Variants in LOXHD1 observed in about 807,000 individuals in gnomAD.
LOXHD1 encodes lipoxygenase homology domain-containing protein 1.
Under a neutral mutation model 248.2 loss-of-function variants are expected in LOXHD1, and 205 were observed. The ratio of observed to expected loss-of-function variants is 0.83; its 90% CI spans 0.74 to 0.93. The LOEUF (loss-of-function observed/expected upper bound fraction) is 0.93, where lower values mean the gene tolerates loss of function less well. LOXHD1 is among the 40% of genes least tolerant of loss of function. The pLI, the probability that LOXHD1 is intolerant of heterozygous loss-of-function variation, is 0.00. For synonymous variants in LOXHD1, 1,113 were observed against 1,162.8 expected, an observed-to-expected ratio of 0.96 and a Z score of 0.87; for missense variants, 2,930 against 2,971.6, an observed-to-expected ratio of 0.99 and a Z score of 0.33.
At chr18:46,488,382 C>T (rs1351235545) in intron 38 of LOXHD1, among the ~76,000 whole-genome samples, 1 of 152,178 alleles carries the variant, frequency 6.6e-6, no homozygotes, top group Admixed American at 6.5e-5. Flanking sequence ...GCTAGTGCTG[C>T]CTTAATAACT....
intron 29 of LOXHD1, among the ~76,000 whole-genome samples, chr18:46,526,074 G>A (rs551318005): frequency 1.3e-5 from 2 of 152,292 alleles, no homozygotes; most frequent in Admixed American, 1.3e-4. Context: ...GTGGCCGAAA[G>A]CAGATGTGGA....
chr18:46,480,910 AAGGTGT>A (rs2032507687), intron 40 of LOXHD1, among the ~76,000 whole-genome samples: 2 of 152,198 alleles, frequency 1.3e-5, no homozygotes, highest in Admixed American at 1.3e-4. Flanking sequence ...ATAAACAATA[AAGGTGT>A]TTTCAGTTAA....
At chr18:46,619,228 T>C (rs2038633794) in intron 4 of LOXHD1, among the ~76,000 whole-genome samples, 1 of 152,226 alleles carries the variant, frequency 6.6e-6, no homozygotes, top group Non-Finnish European at 1.5e-5. Context: ...TCCTTTTTTA[T>C]AGGTGTCTTT....
At chr18:46,655,767 C>T (rs2039173048) in intron 1 of LOXHD1, among the ~76,000 whole-genome samples, 1 of 152,232 alleles carries the variant, frequency 6.6e-6, no homozygotes, top group Non-Finnish European at 1.5e-5. Flanking sequence ...AAGACAAGTA[C>T]AGCAAGGCCC....
At chr18:46,493,255 T>C (rs111405654) in intron 37 of LOXHD1, among the ~76,000 whole-genome samples, 1,885 of 152,372 alleles carry the variant, frequency 0.012, 12 homozygotes, top group South Asian at 0.02. Context: ...ATCACTGAGA[T>C]GTCAGATCAA....
chr18:46,557,556 T>A, intron 20 of LOXHD1, 67 bp from the exon 21 acceptor site: 2 of 1,541,424 alleles, frequency 1.3e-6, no homozygotes, highest in South Asian at 2.4e-5. Context: ...ATCAGCCCCA[T>A]CCTCCCAAGA....
intron 12 of LOXHD1, among the ~76,000 whole-genome samples, chr18:46,587,800 C>G (rs1414232466): frequency 1.3e-5 from 2 of 152,118 alleles, no homozygotes; most frequent in Non-Finnish European, 2.9e-5. Flanking sequence ...ATTTTACTGT[C>G]ATGTAGCTCC....
chr18:46,483,746 C>T lies in LOXHD1; in HGVS notation c.6183-1G>A. ...AAACTCAAACGTGTCTGTGGTCCCCCTGCAGGAAACAAAAGTGTGGTCCAT... is the reference window on the plus strand; with the variant it reads ...AAACTCAAACGTGTCTGTGGTCCCCTTGCAGGAAACAAAAGTGTGGTCCAT... On this transcript the variant is annotated splice_acceptor_variant, in intron 39 of 40. Transcript: ENST00000642948. LOFTEE classifies it high-confidence loss of function. 2 of 1,539,732 alleles carry T rather than the reference C, an allele frequency of 1.3e-6. No homozygotes were observed. Among genetic ancestry groups the T allele is most frequent in the Admixed American group, 2.0e-5 (1 of 49,742 alleles).
chr18:46,523,039 C>T (rs1193153036), intron 31 of LOXHD1, among the ~76,000 whole-genome samples: 1 of 152,114 alleles, frequency 6.6e-6, no homozygotes, highest in Non-Finnish European at 1.5e-5. Context: ...CCTCTGCCTC[C>T]CAGGTTCAAG....
At chr18:46,484,665 C>T (rs1434136900) in intron 39 of LOXHD1, among the ~76,000 whole-genome samples, 1 of 152,106 alleles carries the variant, frequency 6.6e-6, no homozygotes, top group East Asian at 1.9e-4. Flanking sequence ...GAGGCTGTCT[C>T]AGCAGTCCTG....
chr18:46,586,935 T>C (rs1599029937), intron 12 of LOXHD1, among the ~76,000 whole-genome samples: 1 of 152,174 alleles, frequency 6.6e-6, no homozygotes, highest in East Asian at 1.9e-4. Context: ...ATGAAACATA[T>C]GAGTACACAA....
At chr18:46,524,667 G>A in intron 30 of LOXHD1, 41 bp downstream of exon 30, 3 of 1,551,334 alleles carry the variant, frequency 1.9e-6, no homozygotes, top group Non-Finnish European at 2.6e-6. Flanking sequence ...CCTCCCCTAG[G>A]CATGAGGATG....
At chr18:46,542,011 G>A in intron 24 of LOXHD1, 71 bp from the exon 25 acceptor site, 1 of 1,392,130 alleles carries the variant, frequency 7.2e-7, no homozygotes, top group Non-Finnish European at 9.6e-7. Flanking sequence ...TAACTTCAGG[G>A]ACTCCTGACT....
At chr18:46,639,131 T>C (rs370949141) in intron 4 of LOXHD1, among the ~76,000 whole-genome samples, 2 of 152,184 alleles carry the variant, frequency 1.3e-5, no homozygotes, top group East Asian at 1.9e-4. Context: ...AATAAGTTGT[T>C]TTACTCCTCA....
chr18:46,560,598 C>G (rs1190927850), intron 18 of LOXHD1, 53 bp from the exon 19 acceptor site: 2 of 1,434,150 alleles, frequency 1.4e-6, no homozygotes, highest in East Asian at 5.0e-5. Flanking sequence ...CTCCCCAACG[C>G]CCCCAACACC....
intron 19 of LOXHD1, 25 bp from the exon 20 acceptor site, chr18:46,559,627 T>G: frequency 6.5e-7 from 1 of 1,549,786 alleles, no homozygotes; most frequent in African/African-American, 1.4e-5. Flanking sequence ...AGATGCAGTG[T>G]GGAGGGCCTC....
intron 1 of LOXHD1, 98 bp from the exon 2 acceptor site, chr18:46,649,367 A>T: frequency 9.9e-7 from 1 of 1,007,884 alleles, no homozygotes; most frequent in East Asian, 2.6e-5. Flanking sequence ...AGGCCCAAGC[A>T]CAAAGGACTC....
chr18:46,497,924 T>G (rs546280487), intron 37 of LOXHD1, among the ~76,000 whole-genome samples: 1 of 151,736 alleles, frequency 6.6e-6, no homozygotes, highest in African/African-American at 2.4e-5. Flanking sequence ...ACAGTGGGAG[T>G]TAGGTCACAA....
At chr18:46,567,777 A>G (rs2037673157) in intron 16 of LOXHD1, among the ~76,000 whole-genome samples, 1 of 152,240 alleles carries the variant, frequency 6.6e-6, no homozygotes, top group African/African-American at 2.4e-5. Flanking sequence ...AGGCAAACAG[A>G]GGTTAAATAA....
Sources: allele counts gnomAD v4.1 joint callset (sites outside exome capture counted in the v4.1 genomes callset), GRCh38; gene constraint gnomAD v4.1.1; transcripts MANE v1.5; gene names NCBI Gene and HGNC (gene_info 2026-07-23, HGNC 2026-07-21).